GRM7: variants seen among roughly 807,000 people sequenced by gnomAD.
The protein encoded by GRM7 is metabotropic glutamate receptor 7.
A neutral mutation model predicts 84.5 loss-of-function variants in GRM7; 35 were observed. The observed-to-expected ratio is 0.41, with a 90% confidence interval of 0.32 to 0.55. The LOEUF is 0.55. Among genes scored for constraint, GRM7 ranks in the 20% least tolerant of loss-of-function variants. The pLI is 0.19. For synonymous variants in GRM7, 487 were observed against 455.1 expected, an observed-to-expected ratio of 1.07 and a Z score of -0.89; for missense variants, 1,003 against 1,194.6, an observed-to-expected ratio of 0.84 and a Z score of 2.36.
At chr3:7,560,496 A>G (rs1039677090) in intron 7 of GRM7, among the ~76,000 whole-genome samples, 10 of 151,786 alleles carry the variant, frequency 6.6e-5, no homozygotes, top group Non-Finnish European at 1.5e-4. Context: ...TTTCTCTAAC[A>G]CTCTGCTATT....
chr3:6,930,878 T>A (rs75440064), intron 1 of GRM7, among the ~76,000 whole-genome samples: 10,742 of 152,270 alleles, frequency 0.071, 498 homozygotes, highest in Middle Eastern at 0.11. Flanking sequence ...GTAAAAACTA[T>A]GAAGTTATTA....
chr3:7,649,638 C>T (rs1698835213), intron 8 of GRM7, among the ~76,000 whole-genome samples: 1 of 152,078 alleles, frequency 6.6e-6, no homozygotes, highest in Non-Finnish European at 1.5e-5. Flanking sequence ...ACTATTTTTA[C>T]ACCATCATCA....
intron 1 of GRM7, among the ~76,000 whole-genome samples, chr3:7,050,056 G>C (rs1474262210): frequency 6.6e-6 from 1 of 151,860 alleles, no homozygotes; most frequent in Admixed American, 6.6e-5. Context: ...CACTCCTGTT[G>C]CTGGGTAGTA....
At chr3:7,107,660 CG>C (rs1692701883) in intron 1 of GRM7, among the ~76,000 whole-genome samples, 1 of 151,844 alleles carries the variant, frequency 6.6e-6, no homozygotes, top group Non-Finnish European at 1.5e-5. Context: ...AATTAGTTGC[CG>C]GTAAAGTTTA....
chr3:7,662,509 T>C (rs1431758619), intron 8 of GRM7, among the ~76,000 whole-genome samples: 1 of 152,204 alleles, frequency 6.6e-6, no homozygotes, highest in African/African-American at 2.4e-5. Flanking sequence ...GGAAAAATCA[T>C]ATGAGACATT....
intron 1 of GRM7, among the ~76,000 whole-genome samples, chr3:6,887,726 A>G (rs1695756994): frequency 6.6e-6 from 1 of 152,194 alleles, no homozygotes; most frequent in African/African-American, 2.4e-5. Context: ...CAGGATTTAT[A>G]GTCCTTTGGG....
At chr3:6,977,497 T>A (rs1694044934) in intron 1 of GRM7, among the ~76,000 whole-genome samples, 1 of 152,002 alleles carries the variant, frequency 6.6e-6, no homozygotes, top group African/African-American at 2.4e-5. Context: ...ATGTCAGAGG[T>A]CACAAAAGAT....
chr3:6,891,250 T>A (rs1233139649), intron 1 of GRM7, among the ~76,000 whole-genome samples: 2 of 152,184 alleles, frequency 1.3e-5, no homozygotes, highest in Non-Finnish European at 2.9e-5. Context: ...TTAATATTGT[T>A]ATGTGTGAAT....
intron 4 of GRM7, among the ~76,000 whole-genome samples, chr3:7,335,994 C>A (rs1339548011): frequency 6.6e-6 from 1 of 151,996 alleles, no homozygotes; most frequent in Admixed American, 6.6e-5. Flanking sequence ...TGGTACCAAT[C>A]CTATTGAAAC....
At chr3:7,122,600 T>C (rs971918214) in intron 1 of GRM7, among the ~76,000 whole-genome samples, 1 of 152,210 alleles carries the variant, frequency 6.6e-6, no homozygotes, top group Non-Finnish European at 1.5e-5. Flanking sequence ...AAAATGGTGG[T>C]AAAATGCTCT....
intron 2 of GRM7, among the ~76,000 whole-genome samples, chr3:7,237,231 T>G (rs559147537): frequency 4.6e-5 from 7 of 152,200 alleles, no homozygotes; most frequent in African/African-American, 1.7e-4. Context: ...TTCTGTTACC[T>G]CTATCCTTTC....
chr3:6,924,348 T>C (rs1235858053), intron 1 of GRM7, among the ~76,000 whole-genome samples: 1 of 152,172 alleles, frequency 6.6e-6, no homozygotes, highest in South Asian at 2.1e-4. Flanking sequence ...ATTTTGACCT[T>C]TCATCAGGAG....
chr3:7,019,407 T>G (rs963947977), intron 1 of GRM7, among the ~76,000 whole-genome samples: 6 of 152,144 alleles, frequency 3.9e-5, no homozygotes, highest in Non-Finnish European at 7.4e-5. Context: ...TCATACAGAG[T>G]ATTTTCACTG....
intron 7 of GRM7, among the ~76,000 whole-genome samples, chr3:7,560,584 C>A (rs1575493970): frequency 6.6e-6 from 1 of 152,198 alleles, no homozygotes. Flanking sequence ...TCCAGGCCAA[C>A]TGAATTCAAA....
At chr3:7,299,983 T>C (rs1699942174) in intron 3 of GRM7, among the ~76,000 whole-genome samples, 1 of 151,428 alleles carries the variant, frequency 6.6e-6, no homozygotes, top group Admixed American at 6.6e-5. Flanking sequence ...CATGCAAATA[T>C]ACTTTTTATA....
intron 6 of GRM7, among the ~76,000 whole-genome samples, chr3:7,454,055 T>C (rs1697894454): frequency 1.3e-5 from 2 of 149,434 alleles, no homozygotes; most frequent in South Asian, 2.1e-4. Flanking sequence ...ATGGTAATTA[T>C]GAGCCAAGAA....
At chr3:7,251,518 A>G (rs1275597617) in intron 2 of GRM7, among the ~76,000 whole-genome samples, 1 of 152,208 alleles carries the variant, frequency 6.6e-6, no homozygotes. Flanking sequence ...AATTAGTTCT[A>G]TGATATCACT....
At chr3:7,464,654 C>A (rs1182909090) in intron 7 of GRM7, among the ~76,000 whole-genome samples, 1 of 151,840 alleles carries the variant, frequency 6.6e-6, no homozygotes, top group African/African-American at 2.4e-5. Context: ...CACTGTGAAA[C>A]CCCGTCTCTA....
chr3:7,328,232 A>T (rs1008949351), intron 4 of GRM7, among the ~76,000 whole-genome samples: 1 of 152,212 alleles, frequency 6.6e-6, no homozygotes, highest in East Asian at 1.9e-4. Context: ...ACTCATCGTC[A>T]TGGCTTTTGT....
Sources: gnomAD v4.1 joint callset for allele counts (sites outside exome capture counted in the v4.1 genomes callset) on GRCh38, gnomAD v4.1.1 for gene constraint, MANE v1.5 for transcripts, NCBI Gene and HGNC (gene_info 2026-07-23, HGNC 2026-07-21) for gene names.